Variants in BAMBI observed in about 807,000 individuals in gnomAD.
BAMBI encodes the protein BMP and activin membrane-bound inhibitor homolog.
A neutral mutation model predicts 24.1 loss-of-function variants in BAMBI; 21 were observed. That is an observed-to-expected ratio of 0.87 (90% CI 0.62 to 1.26). The LOEUF is 1.26. Ranked by LOEUF, BAMBI falls within the 50% of genes most tolerant of loss-of-function variation. The pLI is 0.00. For synonymous variants in BAMBI, 156 were observed against 123.1 expected, an observed-to-expected ratio of 1.27 and a Z score of -1.77; for missense variants, 388 against 329.1, an observed-to-expected ratio of 1.18 and a Z score of -1.38.
chr10:28,680,885 A>G (rs370719252), intron 1 of BAMBI, among the ~76,000 whole-genome samples: 1 of 152,258 alleles, frequency 6.6e-6, no homozygotes, highest in African/African-American at 2.4e-5. Context: ...TATACTGACA[A>G]AATCAAAAAG....
At position 28,677,778 on chromosome 10, in the gene BAMBI, C is replaced by G; in HGVS notation, c.-120C>G. ...GCAGCGGCCCGAAACCCAGCCCCGC[C>G]GCTGACGGCGCCCGCCGCTCCGGGC... is the stretch of plus-strand genomic sequence containing the variant. On this transcript the variant is annotated 5_prime_UTR_variant, in exon 1 of 3. Coordinates refer to ENST00000375533, the MANE Select transcript of BAMBI (RefSeq NM_012342.3). 1.7e-6 allele frequency: 1 copy of G among 594,500 alleles called. No homozygotes were observed. Among genetic ancestry groups the G allele is most frequent in the Non-Finnish European group, 2.3e-6 (1 of 425,748 alleles). 36.8% of individuals were successfully genotyped at this position (594,500 alleles called of 1,614,324 possible).
chr10:28,681,108 G>C (rs1834492461), intron 1 of BAMBI, 150 bp from the exon 2 acceptor site: 2 of 737,094 alleles, frequency 2.7e-6, no homozygotes, highest in African/African-American at 3.5e-5. Flanking sequence ...CTGGCTGCAG[G>C]AAGGGCTTCT....
chr10:28,681,496 T>C lies in BAMBI; in HGVS notation c.315T>C (p.Asn105=), dbSNP rs146990085. ...AATGCTGTCATGAAGACATGTGCAA[T>C]TACAGAGGGCTGCACGATGTTCTCT... ...TLECCHEDMC[N]YRGLHDVLSP... The change falls in exon 2 of 3, where the codon AAT becomes AAC. Residue 105 remains asparagine (N), a synonymous_variant. Coordinates refer to ENST00000375533, the MANE Select transcript of BAMBI (RefSeq NM_012342.3). 4,138 of 1,614,166 alleles carry C rather than the reference T, an allele frequency of 2.6e-3. 95 individuals are homozygous for C. In the South Asian group the frequency reaches 0.032, roughly 12 times the overall value.
chr10:28,681,792 T>C, intron 2 of BAMBI, 191 bp from the exon 3 acceptor site: 1 of 743,190 alleles, frequency 1.3e-6, no homozygotes, highest in Middle Eastern at 3.3e-4. Context: ...CCATTACATC[T>C]CAGTAATGAC....
rs1259677216 is a variant in BAMBI, at chr10:28,681,361, C to T, written c.180C>T (p.Asn60=). ...TCTCTAGACTTCTTGATCCTCAGAA[C>T]TCAAATTCCCCACTCACCCATGGCT... The part of the protein sequence containing the change: ...ACFSRLLDPQ[N]SNSPLTHGCL... Residue 60 remains asparagine, a synonymous_variant, in exon 2 of 3, where the codon AAC becomes AAT. Transcript: ENST00000375533. The T allele has an allele frequency of 3.1e-6, 5 of 1,614,208 alleles. No individual in the cohort carries two copies. Among genetic ancestry groups the T allele is most frequent in the African/African-American group, 1.3e-5 (1 of 75,060 alleles).
At position 28,682,449 on chromosome 10, in the gene BAMBI, G is replaced by C; in HGVS notation, c.*48G>C. 1 of 1,536,928 alleles carries C rather than the reference G, an allele frequency of 6.5e-7. No homozygotes were observed. The highest frequency in any genetic ancestry group is 8.8e-7 in the Non-Finnish European group (1 of 1,130,282). Reference sequence around the variant, plus strand: ...TTACTGAACAGCTTGAAGGCCTTTTGAGTTCTGCTGGACAGGAGCACTTTA... The same window carrying C: ...TTACTGAACAGCTTGAAGGCCTTTTCAGTTCTGCTGGACAGGAGCACTTTA... On this transcript the variant is annotated 3_prime_UTR_variant, in exon 3 of 3. Coordinates refer to ENST00000375533, the MANE Select transcript of BAMBI (RefSeq NM_012342.3).
intron 1 of BAMBI, 34 bp downstream of exon 1, chr10:28,678,007 C>A: frequency 1.3e-6 from 2 of 1,497,006 alleles, no homozygotes; most frequent in Non-Finnish European, 1.8e-6. Context: ...CCCGGGGTCC[C>A]GTCCTCGCCG....
chr10:28,678,013 C>T lies in BAMBI; in HGVS notation c.76+40C>T, dbSNP rs1038309586. On this transcript the variant is annotated intron_variant, in intron 1 of 2. Coordinates refer to ENST00000375533, the MANE Select transcript of BAMBI (RefSeq NM_012342.3). ...CGCACGGGGCCCGGGGTCCCGTCCT[C>T]GCCGCGGGGCTTTGGAGCCGGCTGC... 15 of 1,489,218 alleles carry T rather than the reference C, an allele frequency of 1.0e-5. No homozygotes were observed. In the Admixed American group the frequency reaches 2.7e-4, roughly 27 times the overall value. 92.3% of individuals were successfully genotyped at this position (1,489,218 alleles called of 1,614,324 possible).
In BAMBI at chr10:28,677,793, C is replaced by CCGCTCCGGGCAGGGCCCATGCCCTGCG. The variant is rs1834452061; in HGVS notation, c.-95_-69dup. 2.6e-6 allele frequency: 2 copies of CCGCTCCGGGCAGGGCCCATGCCCTGCG among 781,322 alleles called. No homozygotes were observed. The highest frequency in any genetic ancestry group is 3.4e-6 in the Non-Finnish European group (2 of 592,134). The allele number at this position is 781,322 out of a possible 1,614,324, so 48.4% of individuals were successfully genotyped here. A position where few individuals can be genotyped will look rare whatever the true frequency, so the allele number is the denominator to read the frequency against. ...CCAGCCCCGCCGCTGACGGCGCCCG[C>CCGCTCCGGGCAGGGCCCATGCCCTGCG]CGCTCCGGGCAGGGCCCATGCCCTG... On this transcript the variant is annotated 5_prime_UTR_variant, in exon 1 of 3. In the 5' UTR this introduces an upstream ATG that the reference lacks. Coordinates refer to ENST00000375533, the MANE Select transcript of BAMBI (RefSeq NM_012342.3).
chr10:28,679,239 T>A (rs1037170809), intron 1 of BAMBI, among the ~76,000 whole-genome samples: 2 of 152,116 alleles, frequency 1.3e-5, no homozygotes, highest in Admixed American at 6.5e-5. Context: ...TGCCTGATAA[T>A]GATATAATTA....
Position 28,677,546 on chromosome 10 carries a change from C to G in BAMBI, c.-352C>G. The G allele has an allele frequency of 6.0e-6, 1 of 165,616 alleles. No homozygotes were observed. The highest frequency in any genetic ancestry group is 1.3e-5 in the Non-Finnish European group (1 of 77,376). 10.3% of individuals were successfully genotyped at this position (165,616 alleles called of 1,614,324 possible). A position where few individuals can be genotyped will look rare whatever the true frequency, so the allele number is the denominator to read the frequency against. ...GGGCTGGCGCGGGCGGGAGCTGCGG[C>G]GGATACCCTTGCGTGCTGTGGAGAC... On this transcript the variant is annotated 5_prime_UTR_variant, in exon 1 of 3. Coordinates refer to ENST00000375533, the MANE Select transcript of BAMBI (RefSeq NM_012342.3).
chr10:28,678,011 C>T (rs760215228), intron 1 of BAMBI, 38 bp downstream of exon 1: 5 of 1,493,580 alleles, frequency 3.3e-6, no homozygotes, highest in African/African-American at 1.4e-5. Context: ...GGGTCCCGTC[C>T]TCGCCGCGGG....
chr10:28,681,139 C>G lies in BAMBI; in HGVS notation c.77-119C>G. 4 of 1,012,654 alleles carry G rather than the reference C, an allele frequency of 4.0e-6. No individual in the cohort carries two copies. In the South Asian group the frequency reaches 6.6e-5, roughly 17 times the overall value. The allele number at this position is 1,012,654 out of a possible 1,614,324, so 62.7% of individuals were successfully genotyped here. On this transcript the variant is annotated intron_variant, in intron 1 of 2. Transcript: ENST00000375533. ...CTTCTCCAGGCTCTGTAGACTGGAGCCCTCAGCTTGGATGATCTAAAAGTT... is the reference window on the plus strand; with the variant it reads ...CTTCTCCAGGCTCTGTAGACTGGAGGCCTCAGCTTGGATGATCTAAAAGTT...
chr10:28,681,534 G>A lies in BAMBI; in HGVS notation c.353G>A (p.Gly118Asp). Reference protein sequence around the residue: ...GLHDVLSPPRGEASGQGNRYQ... With the variant: ...GLHDVLSPPRDEASGQGNRYQ... Reference sequence around the variant, plus strand: ...CACGATGTTCTCTCTCCTCCCAGGGGTGAGGCCTCAGGTAGGTGGAAGCCG... The same window carrying A: ...CACGATGTTCTCTCTCCTCCCAGGGATGAGGCCTCAGGTAGGTGGAAGCCG... Residue 118 changes from glycine to aspartate, a missense_variant, in exon 2 of 3, where the codon GGT (glycine) becomes GAT (aspartate). Gly to Asp is a moderately conservative substitution (Grantham distance 94, BLOSUM62 -1). Coordinates refer to ENST00000375533, the MANE Select transcript of BAMBI (RefSeq NM_012342.3). The A allele has an allele frequency of 6.2e-7, 1 of 1,613,628 alleles. No individual in the cohort carries two copies. The highest frequency in any genetic ancestry group is 8.5e-7 in the Non-Finnish European group (1 of 1,179,694).
At chr10:28,681,899 T>G (rs983908604) in intron 2 of BAMBI, 84 bp from the exon 3 acceptor site, 1 of 1,297,418 alleles carries the variant, frequency 7.7e-7, no homozygotes, top group African/African-American at 1.5e-5. Flanking sequence ...TTAATGGAAT[T>G]CTTGGTTAAA....
chr10:28,679,586 C>T (rs1318869344), intron 1 of BAMBI, among the ~76,000 whole-genome samples: 1 of 152,032 alleles, frequency 6.6e-6, no homozygotes, highest in East Asian at 1.9e-4. Context: ...TTTTATTAGG[C>T]TGTTTTTAGG....
At chr10:28,681,073 G>A (rs896775981) in intron 1 of BAMBI, among the ~76,000 whole-genome samples, 185 bp from the exon 2 acceptor site, 1 of 152,102 alleles carries the variant, frequency 6.6e-6, no homozygotes, top group African/African-American at 2.4e-5. Context: ...CCAAAATGAC[G>A]TTTAACTGGA....
intron 2 of BAMBI, 136 bp from the exon 3 acceptor site, chr10:28,681,847 C>T: frequency 1.0e-6 from 1 of 962,548 alleles, no homozygotes. Context: ...GATAGTTTTG[C>T]AATGTTTTCT....
intron 1 of BAMBI, 87 bp from the exon 2 acceptor site, chr10:28,681,171 T>A: frequency 7.0e-7 from 1 of 1,423,996 alleles, no homozygotes; most frequent in South Asian, 1.3e-5. Context: ...AGTTCATGCC[T>A]TTGAATTTGG....
Sources: gnomAD v4.1 joint callset for allele counts (sites outside exome capture counted in the v4.1 genomes callset) on GRCh38, gnomAD v4.1.1 for gene constraint, MANE v1.5 for transcripts, NCBI Gene and HGNC (gene_info 2026-07-23, HGNC 2026-07-21) for gene names.